Variants in PRELP observed in about 807,000 individuals in gnomAD.
PRELP encodes prolargin.
Under a neutral mutation model 22.8 loss-of-function variants are expected in PRELP, and 16 were observed. That is an observed-to-expected ratio of 0.70 (90% CI 0.47 to 1.06). The LOEUF (loss-of-function observed/expected upper bound fraction) is 1.06. PRELP is among the 50% of genes least tolerant of loss of function. PRELP has a pLI of 0.00. For synonymous variants in PRELP, 233 were observed against 211.4 expected, an observed-to-expected ratio of 1.10 and a Z score of -0.89; for missense variants, 434 against 485.2, an observed-to-expected ratio of 0.89 and a Z score of 0.99.
intron 1 of PRELP, among the ~76,000 whole-genome samples, chr1:203,480,321 T>C: frequency 6.6e-6 from 1 of 152,182 alleles, no homozygotes; most frequent in Non-Finnish European, 1.5e-5. Flanking sequence ...GAAGTGCACT[T>C]GTGAAAGCAT....
chr1:203,486,305 A>G (rs1448362132), intron 2 of PRELP, among the ~76,000 whole-genome samples: 1 of 97,072 alleles, frequency 1.0e-5, no homozygotes, highest in Admixed American at 1.0e-4. Context: ...TCCTTAGTAC[A>G]TCACATTGGG....
intron 1 of PRELP, among the ~76,000 whole-genome samples, chr1:203,481,567 C>T (rs1661000523): frequency 6.6e-6 from 1 of 152,228 alleles, no homozygotes; most frequent in African/African-American, 2.4e-5. Flanking sequence ...GGGAAAATGG[C>T]CTTCCAGACC....
chr1:203,487,163 A>G lies in PRELP; in HGVS notation c.*282A>G. The G allele has an allele frequency of 5.8e-6, 2 of 342,276 alleles. No individual in the cohort carries two copies. The highest frequency in any genetic ancestry group is 1.1e-4 in the East Asian group (2 of 18,976). 21.2% of individuals were successfully genotyped at this position (342,276 alleles called of 1,614,324 possible). A position where few individuals can be genotyped will look rare whatever the true frequency, so the allele number is the denominator to read the frequency against. On this transcript the variant is annotated 3_prime_UTR_variant, in exon 3 of 3. Coordinates refer to ENST00000343110, the MANE Select transcript of PRELP (RefSeq NM_002725.4). Reference sequence around the variant, plus strand: ...TCCAGAAACACAGATGTGTCTAAAGACTTGGTGTCCCCTTCTCTCTCCTCC... The same window carrying G: ...TCCAGAAACACAGATGTGTCTAAAGGCTTGGTGTCCCCTTCTCTCTCCTCC...
Position 203,487,488 on chromosome 1 carries a change from AG to A in PRELP, c.*611del, listed in dbSNP as rs1661114047. The A allele has an allele frequency of 6.5e-6, 1 of 153,116 alleles. No homozygotes were observed. Among genetic ancestry groups the A allele is most frequent in the African/African-American group, 2.4e-5 (1 of 41,474 alleles). 9.5% of individuals were successfully genotyped at this position (153,116 alleles called of 1,614,324 possible). On this transcript the variant is annotated 3_prime_UTR_variant, in exon 3 of 3. Transcript: ENST00000343110. ...TAGGGTGCAGGGTCAGGGCTCCCGC[AG>A]GGGCCTGCATCTGGCCAGCAGGACA...
rs1403133272 is a variant in PRELP, at chr1:203,483,580, C to T, written c.396C>T (p.Asn132=). The part of the protein sequence containing the change: ...FQNATGLRWI[N]LDNNRIRKID... ...ATGCCACAGGCCTGCGATGGATTAA[C>T]CTGGACAACAACCGAATCCGCAAGA... Residue 132 remains asparagine (N), a synonymous_variant, in exon 2 of 3, where the codon AAC becomes AAT. Transcript: ENST00000343110. This position sits in a 1 kb window ranked among gnomAD's most constrained non-coding sequence, Gnocchi z 4.4. 1 of 1,614,242 alleles carries T rather than the reference C, an allele frequency of 6.2e-7. No homozygotes were observed. Among genetic ancestry groups the T allele is most frequent in the South Asian group, 1.1e-5 (1 of 91,084 alleles).
chr1:203,476,924 G>A (rs1230099598), intron 1 of PRELP, among the ~76,000 whole-genome samples: 1 of 147,912 alleles, frequency 6.8e-6, no homozygotes, highest in African/African-American at 2.5e-5. Context: ...TTGGCAAAAG[G>A]TCCTGTGGCA....
rs935777408 is a variant in PRELP at position 203,490,030 on chromosome 1, C to G, written c.*3149C>G. On this transcript the variant is annotated 3_prime_UTR_variant, in exon 3 of 3. Coordinates refer to ENST00000343110, the MANE Select transcript of PRELP (RefSeq NM_002725.4). ...CCTACCATTGAGCCACCATGCCCAG[C>G]CCCAAAGCCTCTTAATTGCTCTAAC... The G allele has an allele frequency of 6.6e-5, 10 of 152,180 alleles. No homozygotes were observed. Among genetic ancestry groups the G allele is most frequent in the African/African-American group, 2.2e-4 (9 of 41,442 alleles). The allele number at this position is 152,180 out of a possible 1,614,324, so 9.4% of individuals were successfully genotyped here. A position where few individuals can be genotyped will look rare whatever the true frequency, so the allele number is the denominator to read the frequency against.
intron 1 of PRELP, among the ~76,000 whole-genome samples, chr1:203,478,981 C>T (rs72743621): frequency 0.011 from 1,629 of 152,238 alleles, 19 homozygotes; most frequent in Middle Eastern, 0.048. Flanking sequence ...GGATGGCTTT[C>T]AGACACCTAG....
chr1:203,475,997 C>A (rs557202285), intron 1 of PRELP, 59 bp downstream of exon 1: 1 of 152,574 alleles, frequency 6.6e-6, no homozygotes, highest in Non-Finnish European at 1.5e-5. Context: ...CAGTAAGTTT[C>A]CTCCAGCTCT....
chr1:203,482,992 A>G (rs1485761476), intron 1 of PRELP, among the ~76,000 whole-genome samples, 177 bp from the exon 2 acceptor site: 1 of 151,938 alleles, frequency 6.6e-6, no homozygotes, highest in Non-Finnish European at 1.5e-5. Context: ...CAGAGCCTCA[A>G]GCCCTTGTTA....
At chr1:203,479,015 A>T (rs991619430) in intron 1 of PRELP, among the ~76,000 whole-genome samples, 1 of 152,178 alleles carries the variant, frequency 6.6e-6, no homozygotes, top group Admixed American at 6.5e-5. Flanking sequence ...AGAAGGGAAA[A>T]AAGAGAGAGG....
chr1:203,483,358 G>A lies in PRELP; in HGVS notation c.174G>A (p.Leu58=). ...QPDEPAEPTD[L]PPPLPPGPPS... is the part of the protein sequence containing the mutation. ...ATGAACCAGCAGAGCCAACAGACCTGCCTCCTCCCCTCCCTCCAGGCCCTC... is the reference window on the plus strand; with the variant it reads ...ATGAACCAGCAGAGCCAACAGACCTACCTCCTCCCCTCCCTCCAGGCCCTC... Residue 58 remains leucine (L), a synonymous_variant, in exon 2 of 3, where the codon CTG becomes CTA. Transcript: ENST00000343110. This position sits in a 1 kb window ranked among gnomAD's most constrained non-coding sequence, Gnocchi z 4.4. The A allele has an allele frequency of 2.5e-6, 4 of 1,614,042 alleles. No homozygotes were observed. The highest frequency in any genetic ancestry group is 1.3e-5 in the African/African-American group (1 of 75,026).
At chr1:203,479,601 G>A (rs1660965368) in intron 1 of PRELP, among the ~76,000 whole-genome samples, 1 of 150,598 alleles carries the variant, frequency 6.6e-6, no homozygotes, top group South Asian at 2.1e-4. Flanking sequence ...TGCTCAGGAC[G>A]CTGAGATGGA....
In PRELP at chr1:203,483,592, C is replaced by T. The variant is rs2233725; in HGVS notation, c.408C>T (p.Asn136=). 0.013 allele frequency: 21,139 copies of T among 1,614,246 alleles called. 299 individuals are homozygous for T. Among genetic ancestry groups the T allele is most frequent in the South Asian group, 0.044 (4,052 of 91,090 alleles). Residue 136 remains asparagine (N), a synonymous_variant, in exon 2 of 3, where the codon AAC becomes AAT. Transcript: ENST00000343110. This position sits in a 1 kb window ranked among gnomAD's most constrained non-coding sequence, Gnocchi z 4.4. The part of the protein sequence containing the change: ...TGLRWINLDN[N]RIRKIDQRVL... ...TGCGATGGATTAACCTGGACAACAA[C>T]CGAATCCGCAAGATAGACCAGAGGG...
intron 1 of PRELP, among the ~76,000 whole-genome samples, chr1:203,481,508 G>A (rs1660999802): frequency 6.6e-6 from 1 of 152,218 alleles, no homozygotes; most frequent in Admixed American, 6.5e-5. Flanking sequence ...TCCTTAACGG[G>A]AGATCAAGCC....
intron 2 of PRELP, among the ~76,000 whole-genome samples, chr1:203,485,458 T>C (rs1661076908): frequency 6.6e-6 from 1 of 152,196 alleles, no homozygotes; most frequent in Non-Finnish European, 1.5e-5. Context: ...GAGTGGGGCC[T>C]AGGTCAGTGG....
chr1:203,490,076 T>C lies in PRELP; in HGVS notation c.*3195T>C, dbSNP rs1661165021. ...CTAACAAGATGAGTGGGGAAAAGATTATACTCTTAAGAAATTCCTACGAAA... is the reference window on the plus strand; with the variant it reads ...CTAACAAGATGAGTGGGGAAAAGATCATACTCTTAAGAAATTCCTACGAAA... On this transcript the variant is annotated 3_prime_UTR_variant, in exon 3 of 3. Coordinates refer to ENST00000343110, the MANE Select transcript of PRELP (RefSeq NM_002725.4). 7.0e-6 allele frequency: 1 copy of C among 142,838 alleles called. No individual in the cohort carries two copies. The highest frequency in any genetic ancestry group is 1.5e-5 in the Non-Finnish European group (1 of 66,478). The allele number at this position is 142,838 out of a possible 1,614,324, so 8.8% of individuals were successfully genotyped here. A position where few individuals can be genotyped will look rare whatever the true frequency, so the allele number is the denominator to read the frequency against.
intron 1 of PRELP, among the ~76,000 whole-genome samples, chr1:203,480,524 C>T (rs908646008): frequency 3.9e-5 from 6 of 152,238 alleles, no homozygotes; most frequent in Non-Finnish European, 5.9e-5. Flanking sequence ...TCACGGAGCA[C>T]TGCCAGAGAG....
chr1:203,485,927 G>A (rs149619546), intron 2 of PRELP, among the ~76,000 whole-genome samples: 250 of 152,252 alleles, frequency 1.6e-3, no homozygotes, highest in Middle Eastern at 0.014. Flanking sequence ...CGGGGGTTCC[G>A]GAGCTCTCCC....
Sources: allele counts gnomAD v4.1 joint callset (sites outside exome capture counted in the v4.1 genomes callset), GRCh38; gene constraint gnomAD v4.1.1; non-coding constraint Gnocchi (gnomAD v3.1); transcripts MANE v1.5; gene names NCBI Gene and HGNC (gene_info 2026-07-23, HGNC 2026-07-21).